Variants in ALDH1L1 observed in about 807,000 individuals in gnomAD.
ALDH1L1 encodes aldehyde dehydrogenase 1 family member L1.
In ALDH1L1, 68 loss-of-function variants were observed where a neutral mutation model predicts 101.1. The ratio of observed to expected loss-of-function variants is 0.67; its 90% CI spans 0.55 to 0.82. The LOEUF is 0.82. Ranked by LOEUF, ALDH1L1 falls within the 40% of genes least tolerant of loss-of-function variation. The probability of loss-of-function intolerance (pLI) is 0.00; values close to 1 mark genes in which losing one functional copy is unlikely to be tolerated. For missense variants in ALDH1L1, 1,087 were observed against 1,172.7 expected, an observed-to-expected ratio of 0.93 and a Z score of 1.07; for synonymous variants, 486 against 470.8, an observed-to-expected ratio of 1.03 and a Z score of -0.42.
In ALDH1L1 at chr3:126,158,416, C is replaced by G. The variant is rs201785268; in HGVS notation, c.351G>C (p.Ser117=). Reference sequence around the variant, plus strand: ...TTGCCCCATCTCACCAGTTGATGGCCGAGGCCCCTCGGTGCCTAGGGAGCA... The same window carrying G: ...TTGCCCCATCTCACCAGTTGATGGCGGAGGCCCCTCGGTGCCTAGGGAGCA... ...PSLLPRHRGA[S]AINWTLIHGD... The change falls in exon 3 of 23, where the codon TCG becomes TCC. Residue 117 remains serine (S), a synonymous_variant. Coordinates refer to ENST00000393434, the MANE Select transcript of ALDH1L1 (RefSeq NM_012190.4). 2.6e-5 allele frequency: 42 copies of G among 1,595,404 alleles called. No homozygotes were observed. The highest frequency in any genetic ancestry group is 3.5e-5 in the Non-Finnish European group (41 of 1,168,062).
At chr3:126,185,933 C>T (rs2081514924), upstream of ALDH1L1, among the ~76,000 whole-genome samples, 3 of 152,220 alleles carry the variant, frequency 2.0e-5, 1 homozygote, top group South Asian at 6.2e-4. Flanking sequence ...TGAGTTAACC[C>T]AGCCACAATA....
intron 20 of ALDH1L1, among the ~76,000 whole-genome samples, chr3:126,108,602 T>C (rs1039084686): frequency 1.2e-4 from 19 of 152,124 alleles, no homozygotes; most frequent in African/African-American, 4.6e-4. Flanking sequence ...AGCAGTGCAA[T>C]GGTCACGAGA....
At chr3:126,164,183 C>A (rs1483232718) in intron 1 of ALDH1L1, among the ~76,000 whole-genome samples, 1 of 151,432 alleles carries the variant, frequency 6.6e-6, no homozygotes, top group Non-Finnish European at 1.5e-5. Context: ...CAGGGTGAGG[C>A]AGAAAAGAAG....
At chr3:126,125,189 C>A (rs1410628625) in intron 15 of ALDH1L1, among the ~76,000 whole-genome samples, 1 of 152,154 alleles carries the variant, frequency 6.6e-6, no homozygotes, top group Non-Finnish European at 1.5e-5. Flanking sequence ...GGGATGGGGA[C>A]CACGAATCCC....
At chr3:126,121,968 G>A (rs910982110) in intron 16 of ALDH1L1, among the ~76,000 whole-genome samples, 3 of 152,142 alleles carry the variant, frequency 2.0e-5, no homozygotes, top group Non-Finnish European at 4.4e-5. Flanking sequence ...ACTCATAAGG[G>A]GAAGACTCTA....
At chr3:126,186,892 A>C (rs2081522323) in intron 1 of ALDH1L1, among the ~76,000 whole-genome samples, 1 of 152,170 alleles carries the variant, frequency 6.6e-6, no homozygotes. Context: ...GCAGGGCAAA[A>C]AGAAGTGGTG....
chr3:126,126,338 G>A (rs1204588231), intron 14 of ALDH1L1, among the ~76,000 whole-genome samples: 1 of 152,176 alleles, frequency 6.6e-6, no homozygotes, highest in Admixed American at 6.5e-5. Context: ...CACTGGCCGG[G>A]TATGAATCCT....
At chr3:126,180,780 C>T, upstream of ALDH1L1, 2 of 1,471,806 alleles carry the variant, frequency 1.4e-6, no homozygotes, top group Non-Finnish European at 1.8e-6. Context: ...CTCTTTCCCG[C>T]TTAGGTCAAG....
Position 126,150,516 on chromosome 3 carries a change from T to A in ALDH1L1, c.874A>T (p.Ile292Phe). 1.9e-6 allele frequency: 3 copies of A among 1,551,300 alleles called. No individual in the cohort carries two copies. The highest frequency in any genetic ancestry group is 2.6e-6 in the Non-Finnish European group (3 of 1,146,756). Residue 292 changes from isoleucine to phenylalanine, a missense_variant, in exon 8 of 23, where the codon ATT becomes TTT. Ile to Phe is a conservative substitution (Grantham distance 21). Transcript: ENST00000393434. ...NDDKMLLVKN[I>F]QLEDGKMILA... The stretch of plus-strand genomic sequence containing the variant: ...ATCATTTTGCCATCCTCCAGCTGAA[T>A]ATTCTTCACCAGCAGCTGCAAAAGG...
upstream of ALDH1L1, chr3:126,180,689 G>C: frequency 7.3e-7 from 1 of 1,377,158 alleles, no homozygotes; most frequent in East Asian, 2.7e-5. Context: ...ACCGGTGGTG[G>C]GACTATGGCG....
At chr3:126,134,170 T>A (rs992489241) in intron 12 of ALDH1L1, among the ~76,000 whole-genome samples, 1 of 152,160 alleles carries the variant, frequency 6.6e-6, no homozygotes, top group African/African-American at 2.4e-5. Flanking sequence ...ACCCAGCCTC[T>A]GCTGTGCTGA....
Position 126,131,434 on chromosome 3 carries a change from T to G in ALDH1L1, c.1573A>C (p.Met525Leu). 6.2e-7 allele frequency: 1 copy of G among 1,613,218 alleles called. No individual in the cohort carries two copies. Residue 525 changes from methionine to leucine, a missense_variant, in exon 13 of 23, where the codon ATG becomes CTG. This residue lies in a region of ALDH1L1 where 442 missense variants were observed against 535.7 expected (regional missense o/e 0.83). Transcript: ENST00000393434. Reference protein sequence around the residue: ...YTLALKTHVGMSIQTFRYFAG... With the variant: ...YTLALKTHVGLSIQTFRYFAG... ...AAGTAGCGGAAGGTCTGGATGGACA[T>G]GCCCACGTGGGTCTTCAGGGCCAGC... is the stretch of plus-strand genomic sequence containing the variant.
chr3:126,159,299 G>T (rs1257771796), intron 2 of ALDH1L1: 3 of 396,184 alleles, frequency 7.6e-6, no homozygotes, highest in African/African-American at 4.2e-5. Context: ...CCCGTCACCA[G>T]CACACCCTCC....
At chr3:126,130,706 C>T (rs530481021) in intron 13 of ALDH1L1, among the ~76,000 whole-genome samples, 34 of 152,310 alleles carry the variant, frequency 2.2e-4, no homozygotes, top group East Asian at 1.2e-3. Flanking sequence ...CCTCCCTTGT[C>T]GCTGTCATGC....
rs539664504 is a variant in ALDH1L1, at chr3:126,106,239, C to T, written c.2454-314G>A. Among the ~76,000 whole-genome samples the T allele has an allele frequency of 2.4e-4, 36 of 152,290 alleles. 1 individual carries two copies. The South Asian group carries it at 6.8e-3, about 29-fold the overall frequency. Reference sequence around the variant, plus strand: ...TGCAGAAGGACCCACATGTGCCCGCCGCAGGTTGGGCATTCACCAGACATC... The same window carrying T: ...TGCAGAAGGACCCACATGTGCCCGCTGCAGGTTGGGCATTCACCAGACATC... On this transcript the variant is annotated intron_variant, in intron 21 of 22. Transcript: ENST00000393434.
chr3:126,112,747 A>C (rs1476629020), intron 19 of ALDH1L1, 35 bp downstream of exon 19: 1 of 1,598,680 alleles, frequency 6.3e-7, no homozygotes, highest in South Asian at 1.1e-5. Flanking sequence ...TGTCCCAGTG[A>C]ACCAGCCGCC....
At chr3:126,166,826 A>G (rs1277223047) in intron 1 of ALDH1L1, among the ~76,000 whole-genome samples, 2 of 152,320 alleles carry the variant, frequency 1.3e-5, no homozygotes, top group South Asian at 4.1e-4. Flanking sequence ...TTGGCACTTC[A>G]GTAGTGTATA....
At chr3:126,106,784 A>G (rs1945889023) in intron 21 of ALDH1L1, among the ~76,000 whole-genome samples, 1 of 152,214 alleles carries the variant, frequency 6.6e-6, no homozygotes, top group Admixed American at 6.5e-5. Flanking sequence ...CCGTGACTAA[A>G]ATAAATCTCT....
chr3:126,107,485 C>T (rs1041426782), intron 20 of ALDH1L1, among the ~76,000 whole-genome samples: 2 of 152,206 alleles, frequency 1.3e-5, no homozygotes, highest in African/African-American at 2.4e-5. Flanking sequence ...ATGGGGCCGC[C>T]GGTTGGCAGG....
Sources: allele counts gnomAD v4.1 joint callset (sites outside exome capture counted in the v4.1 genomes callset), GRCh38; gene constraint gnomAD v4.1.1; regional missense constraint gnomAD v4.1.1; transcripts MANE v1.5; gene names NCBI Gene and HGNC (gene_info 2026-07-23, HGNC 2026-07-21).